PTGS2: variants seen among roughly 807,000 people sequenced by gnomAD.
PTGS2 encodes the protein prostaglandin G/H synthase 2.
A neutral mutation model predicts 63.8 loss-of-function variants in PTGS2; 14 were observed. That is an observed-to-expected ratio of 0.22 (90% CI 0.14 to 0.34). PTGS2 has a LOEUF of 0.34. PTGS2 is among the 10% of genes least tolerant of loss of function. The probability of loss-of-function intolerance (pLI) is 1.00; values close to 1 mark genes in which losing one functional copy is unlikely to be tolerated. For missense variants in PTGS2, 533 were observed against 738.5 expected, an observed-to-expected ratio of 0.72 and a Z score of 3.23; for synonymous variants, 271 against 259.5, an observed-to-expected ratio of 1.04 and a Z score of -0.43.
intron 6 of PTGS2, 56 bp downstream of exon 6, chr1:186,676,777 T>G: frequency 1.3e-6 from 2 of 1,595,898 alleles, no homozygotes; most frequent in Non-Finnish European, 1.7e-6. Flanking sequence ...TTTAGGGATT[T>G]TAAAATATGG....
Position 186,675,372 on chromosome 1 carries a change from G to C in PTGS2, c.1282C>G (p.Pro428Ala), listed in dbSNP as rs4648279. 8.1e-5 allele frequency: 130 copies of C among 1,613,068 alleles called. 9 individuals carry two copies. The South Asian group carries it at 1.4e-3, about 17-fold the overall frequency. Residue 428 changes from proline (P) to alanine (A), a missense_variant, in exon 9 of 10, where the codon CCC (proline) becomes GCC (alanine). This residue lies in a region of PTGS2 where 219 missense variants were observed against 267.4 expected (regional missense o/e 0.82). Transcript: ENST00000367468. ...GCCTGTGATACTTTCTGTACTGCGG[G>C]TGGAACATTCCTACCACCAGCAACC... is the stretch of plus-strand genomic sequence containing the variant. ...GRVAGGRNVPPAVQKVSQASI... is the reference protein window; with the variant it reads ...GRVAGGRNVPAAVQKVSQASI...
chr1:186,675,115 T>C (rs969390482), intron 9 of PTGS2, 134 bp downstream of exon 9: 1 of 1,129,574 alleles, frequency 8.9e-7, no homozygotes, highest in African/African-American at 1.6e-5. Context: ...AGGCGGAGGT[T>C]GCAGTGAGCC....
At position 186,676,736 on chromosome 1, in the gene PTGS2, A is replaced by AAATT. The variant is rs1254185498; in HGVS notation, c.724-24_724-23insAATT. 10 of 1,601,000 alleles carry AAATT rather than the reference A, an allele frequency of 6.2e-6. No homozygotes were observed. In the African/African-American group the frequency reaches 1.2e-4, roughly 19 times the overall value. ...TATCTAAAAAAATAAATAAATAAAT[A>AAATT]AACATCAGTTAAAAAGTTAAGGAAC... is the stretch of plus-strand genomic sequence containing the variant. On this transcript the variant is annotated intron_variant, in intron 6 of 9. Coordinates refer to ENST00000367468, the MANE Select transcript of PTGS2 (RefSeq NM_000963.4).
chr1:186,675,322 C>G lies in PTGS2; in HGVS notation c.1332G>C (p.Met444Ile). 1 of 1,614,216 alleles carries G rather than the reference C, an allele frequency of 6.2e-7. No individual in the cohort carries two copies. The highest frequency in any genetic ancestry group is 8.5e-7 in the Non-Finnish European group (1 of 1,180,022). ...SQASIDQSRQ[M>I]KYQSFNEYRK... ...GGTACTCATTAAAAGACTGGTATTT[C>G]ATCTGCCTGCTCTGGTCAATGGAAG... Residue 444 changes from methionine to isoleucine, a missense_variant, in exon 9 of 10, where the codon ATG becomes ATC. Coordinates refer to ENST00000367468, the MANE Select transcript of PTGS2 (RefSeq NM_000963.4).
In PTGS2 at chr1:186,676,669, CTGAG is replaced by C; in HGVS notation, c.764_767del (p.Thr255ArgfsTer4). ...CTTGAGGAGGGTAGATCATCTCTGC[CTGAG>C]TATCTTTGACTGTGGGAGGATACAT... On this transcript the variant is annotated frameshift_variant, in exon 7 of 10. Transcript: ENST00000367468. LOFTEE classifies it high-confidence loss of function. The C allele has an allele frequency of 6.2e-7, 1 of 1,613,970 alleles. No homozygotes were observed. The highest frequency in any genetic ancestry group is 8.5e-7 in the Non-Finnish European group (1 of 1,179,932).
At chr1:186,679,024 A>C (rs1375214937) in intron 3 of PTGS2, 34 bp downstream of exon 3, 1 of 1,588,884 alleles carries the variant, frequency 6.3e-7, no homozygotes, top group Non-Finnish European at 8.5e-7. Context: ...TTCTTTGAGA[A>C]GGCTAAAAAC....
Position 186,676,457 on chromosome 1 carries a change from T to C in PTGS2, c.970+10A>G, listed in dbSNP as rs199944623. 15 of 1,610,838 alleles carry C rather than the reference T, an allele frequency of 9.3e-6. No homozygotes were observed. Among genetic ancestry groups the C allele is most frequent in the Non-Finnish European group, 1.3e-5 (15 of 1,177,720 alleles). On this transcript the variant is annotated intron_variant, in intron 7 of 9. Transcript: ENST00000367468. ...GAAGAGGGTTTTATATAAATCATTT[T>C]CTTGTTTACCTATCAGTATTAGCCT...
chr1:186,676,974 T>A, intron 5 of PTGS2, 58 bp from the exon 6 acceptor site: 2 of 1,225,354 alleles, frequency 1.6e-6, no homozygotes, highest in Admixed American at 3.9e-5. Flanking sequence ...TTATATAAAG[T>A]GTCTATCATA....
chr1:186,675,849 TAA>T, intron 8 of PTGS2, 47 bp downstream of exon 8: 1 of 1,510,766 alleles, frequency 6.6e-7, no homozygotes, highest in Non-Finnish European at 8.9e-7. Flanking sequence ...GCAGAAATTC[TAA>T]AGTTACTGAC....
At chr1:186,680,105 GCT>G in intron 1 of PTGS2, 132 bp downstream of exon 1, 1 of 1,359,240 alleles carries the variant, frequency 7.4e-7, no homozygotes, top group Non-Finnish European at 1.0e-6. Context: ...AGCGGTCCAA[GCT>G]CTTTCCCAAG....
At chr1:186,678,911 G>A (rs956088129) in intron 3 of PTGS2, 147 bp downstream of exon 3, 2 of 911,030 alleles carry the variant, frequency 2.2e-6, no homozygotes, top group African/African-American at 3.4e-5. Flanking sequence ...CAATATTTTT[G>A]GCGATTAAGA....
chr1:186,676,389 T>C, intron 7 of PTGS2, 78 bp downstream of exon 7: 1 of 1,542,074 alleles, frequency 6.5e-7, no homozygotes, highest in Non-Finnish European at 8.8e-7. Flanking sequence ...ATCTTGTCAT[T>C]TACTCAAAAC....
In PTGS2 at chr1:186,674,709, C is replaced by T. The variant is rs764695479; in HGVS notation, c.1459G>A (p.Val487Met). 4.3e-6 allele frequency: 7 copies of T among 1,614,178 alleles called. No homozygotes were observed. Among genetic ancestry groups the T allele is most frequent in the Non-Finnish European group, 5.9e-6 (7 of 1,180,010 alleles). The part of the protein sequence containing the change: ...LEALYGDIDA[V>M]ELYPALLVEK... ...ACCAGAAGGGCAGGATACAGCTCCA[C>T]AGCATCGATGTCACCATAGAGTGCT... Residue 487 changes from valine to methionine, a missense_variant, in exon 10 of 10, where the codon GTG becomes ATG. Coordinates refer to ENST00000367468, the MANE Select transcript of PTGS2 (RefSeq NM_000963.4).
Position 186,677,753 on chromosome 1 carries a change from C to T in PTGS2, c.535G>A (p.Gly179Ser). 1 of 1,613,868 alleles carries T rather than the reference C, an allele frequency of 6.2e-7. No individual in the cohort carries two copies. Among genetic ancestry groups the T allele is most frequent in the Non-Finnish European group, 8.5e-7 (1 of 1,179,916 alleles). The change falls in exon 5 of 10, where the codon GGC becomes AGC. Residue 179 changes from glycine (G) to serine (S), a missense_variant. Gly to Ser is a moderately conservative substitution (Grantham distance 56). Around this residue, in one of 5 missense-constraint regions of PTGS2, gnomAD observed 118 missense variants for 138.7 expected, o/e 0.85. Coordinates refer to ENST00000367468, the MANE Select transcript of PTGS2 (RefSeq NM_000963.4). ...LRRKFIPDPQGSNMMFAFFAQ... is the reference protein window; with the variant it reads ...LRRKFIPDPQSSNMMFAFFAQ... ...AAGAATGCAAACATCATGTTTGAGC[C>T]CTGGGGATCAGGGATGAACTTTCTT...
intron 5 of PTGS2, 124 bp downstream of exon 5, chr1:186,677,525 A>G: frequency 1.9e-6 from 2 of 1,039,524 alleles, no homozygotes; most frequent in Non-Finnish European, 2.7e-6. Context: ...TATAGATAAG[A>G]CTTCTTTTTA....
chr1:186,675,789 C>A, intron 8 of PTGS2, 109 bp downstream of exon 8: 1 of 1,114,960 alleles, frequency 9.0e-7, no homozygotes, highest in Non-Finnish European at 1.2e-6. Context: ...ATTTTACTAG[C>A]AATATAACTA....
chr1:186,675,915 T>C lies in PTGS2; in HGVS notation c.1240A>G (p.Arg414Gly). 1 of 1,610,464 alleles carries C rather than the reference T, an allele frequency of 6.2e-7. No individual in the cohort carries two copies. Among genetic ancestry groups the C allele is most frequent in the Non-Finnish European group, 8.5e-7 (1 of 1,177,072 alleles). ...GITQFVESFT[R>G]QIAGRVAGGR... ...ATGCTTACCCTGCCAGCAATTTGCCTGGTGAATGATTCAACAAACTGGGTA... is the reference window on the plus strand; with the variant it reads ...ATGCTTACCCTGCCAGCAATTTGCCCGGTGAATGATTCAACAAACTGGGTA... The change falls in exon 8 of 10, where the codon AGG becomes GGG. Residue 414 changes from arginine (R) to glycine (G), a missense_variant. By Grantham distance (125) the Arg-to-Gly change is moderately radical. Coordinates refer to ENST00000367468, the MANE Select transcript of PTGS2 (RefSeq NM_000963.4).
chr1:186,677,168 T>C (rs903558680), intron 5 of PTGS2, among the ~76,000 whole-genome samples: 1 of 152,088 alleles, frequency 6.6e-6, no homozygotes, highest in Non-Finnish European at 1.5e-5. Context: ...TATTATATAC[T>C]TCACTATGAT....
At position 186,677,746 on chromosome 1, in the gene PTGS2, T is replaced by A; in HGVS notation, c.542A>T (p.Asn181Ile). 6.2e-7 allele frequency: 1 copy of A among 1,614,052 alleles called. No individual in the cohort carries two copies. Among genetic ancestry groups the A allele is most frequent in the Non-Finnish European group, 8.5e-7 (1 of 1,179,976 alleles). Residue 181 changes from asparagine to isoleucine, a missense_variant, in exon 5 of 10, where the codon AAC becomes ATC. Around this residue, in one of 5 missense-constraint regions of PTGS2, gnomAD observed 118 missense variants for 138.7 expected, o/e 0.85. Transcript: ENST00000367468. ...RKFIPDPQGSNMMFAFFAQHF... is the reference protein window; with the variant it reads ...RKFIPDPQGSIMMFAFFAQHF... ...CTGGGCAAAGAATGCAAACATCATG[T>A]TTGAGCCCTGGGGATCAGGGATGAA... is the stretch of plus-strand genomic sequence containing the variant.
Sources: gnomAD v4.1 joint callset for allele counts (sites outside exome capture counted in the v4.1 genomes callset) on GRCh38, gnomAD v4.1.1 for gene constraint, gnomAD v4.1.1 regional missense constraint, MANE v1.5 for transcripts, NCBI Gene and HGNC (gene_info 2026-07-23, HGNC 2026-07-21) for gene names.